The following AKAP6 variants were observed in gnomAD, a reference collection of about 807,000 sequenced individuals.
The protein encoded by AKAP6 is A-kinase anchor protein 6.
A neutral mutation model predicts 188.5 loss-of-function variants in AKAP6; 58 were observed. The observed-to-expected ratio is 0.31, with a 90% CI of 0.25 to 0.38. The LOEUF is 0.38. Among genes scored for constraint, AKAP6 ranks in the 10% least tolerant of loss-of-function variants. The probability of loss-of-function intolerance (pLI) is 1.00; values close to 1 mark genes in which losing one functional copy is unlikely to be tolerated. For synonymous variants in AKAP6, 989 were observed against 998.6 expected (o/e 0.99, Z 0.18); for missense variants, 2,710 against 2,740.0 (o/e 0.99, Z 0.24).
intron 12 of AKAP6, among the ~76,000 whole-genome samples, chr14:32,814,839 C>G (rs568306074): frequency 2.0e-5 from 3 of 152,188 alleles, no homozygotes; most frequent in Non-Finnish European, 4.4e-5. Context: ...AGCAGTCCTC[C>G]TGCCTCAGCC....
chr14:32,761,110 A>T (rs2032522236), intron 11 of AKAP6, among the ~76,000 whole-genome samples: 1 of 151,568 alleles, frequency 6.6e-6, no homozygotes, highest in Admixed American at 6.6e-5. Flanking sequence ...ATGAAAATAA[A>T]AACAGAAATA....
At chr14:32,607,978 C>A (rs1886191921) in intron 7 of AKAP6, among the ~76,000 whole-genome samples, 1 of 152,138 alleles carries the variant, frequency 6.6e-6, no homozygotes, top group Admixed American at 6.6e-5. Context: ...AAGTGAGTTA[C>A]TTCTTTGAAG....
chr14:32,696,293 T>C (rs113237043), intron 9 of AKAP6, among the ~76,000 whole-genome samples, 183 bp downstream of exon 9: 2 of 152,326 alleles, frequency 1.3e-5, no homozygotes, highest in African/African-American at 4.8e-5. Context: ...ACCGACATCA[T>C]AATTGCAAGA....
chr14:32,545,626 G>C lies in AKAP6; in HGVS notation c.973G>C (p.Val325Leu). The change falls in exon 4 of 14, where the codon GTG becomes CTG. Residue 325 changes from valine to leucine, a missense_variant. Val to Leu is a conservative substitution (Grantham distance 32, BLOSUM62 1). Around this residue, in one of 2 missense-constraint regions of AKAP6, gnomAD observed 2,473 missense variants for 2,426.1 expected, o/e 1.02. Coordinates refer to ENST00000280979, the MANE Select transcript of AKAP6 (RefSeq NM_004274.5). ...AGAGCAACCAGGCTTAACACTGGGG[G>C]TGTCATCATCTTCAGGAGAAGCTCT... is the stretch of plus-strand genomic sequence containing the variant. ...VEEQPGLTLG[V>L]SSSSGEALTN... is the part of the protein sequence containing the mutation. 6.2e-7 allele frequency: 1 copy of C among 1,614,146 alleles called. No homozygotes were observed. Among genetic ancestry groups the C allele is most frequent in the Non-Finnish European group, 8.5e-7 (1 of 1,180,014 alleles).
chr14:32,428,976 T>G (rs549812435), intron 1 of AKAP6, among the ~76,000 whole-genome samples: 1 of 152,344 alleles, frequency 6.6e-6, no homozygotes, highest in African/African-American at 2.4e-5. Flanking sequence ...TGATGGATGT[T>G]ATTTTTAACA....
chr14:32,467,980 A>T (rs907744165), intron 2 of AKAP6, among the ~76,000 whole-genome samples: 1 of 151,658 alleles, frequency 6.6e-6, no homozygotes. Flanking sequence ...GGACTTTTCA[A>T]TTGCTGGTTA....
intron 2 of AKAP6, among the ~76,000 whole-genome samples, chr14:32,512,504 A>T (rs1881310615): frequency 6.6e-6 from 1 of 152,202 alleles, no homozygotes; most frequent in Non-Finnish European, 1.5e-5. Flanking sequence ...AGCCAATGTT[A>T]TAGGATTATT....
intron 7 of AKAP6, among the ~76,000 whole-genome samples, chr14:32,640,653 C>T (rs1351236873): frequency 6.6e-6 from 1 of 152,152 alleles, no homozygotes; most frequent in East Asian, 1.9e-4. Flanking sequence ...CCTGTGCTCA[C>T]ATTAGCCCTT....
intron 5 of AKAP6, among the ~76,000 whole-genome samples, chr14:32,581,437 G>A (rs1420161807): frequency 6.6e-6 from 1 of 152,118 alleles, no homozygotes; most frequent in Non-Finnish European, 1.5e-5. Flanking sequence ...TTTGGAGTAG[G>A]TATGGTGTGG....
At chr14:32,613,809 CAT>C (rs1340523814) in intron 7 of AKAP6, among the ~76,000 whole-genome samples, 1 of 152,156 alleles carries the variant, frequency 6.6e-6, no homozygotes, top group East Asian at 1.9e-4. Flanking sequence ...GGTGTATACA[CAT>C]GTTTAAAATG....
chr14:32,584,171 C>T (rs1267402763), intron 5 of AKAP6, among the ~76,000 whole-genome samples: 6 of 152,286 alleles, frequency 3.9e-5, no homozygotes, highest in East Asian at 3.9e-4. Context: ...TTATTCGAGG[C>T]GGATGTGTTC....
At chr14:32,676,234 ATC>A in intron 7 of AKAP6, among the ~76,000 whole-genome samples, 1 of 152,302 alleles carries the variant, frequency 6.6e-6, no homozygotes, top group African/African-American at 2.4e-5. Context: ...ATTGCTCAAT[ATC>A]TCTGTAATCT....
chr14:32,557,384 G>A (rs368949814), intron 4 of AKAP6, among the ~76,000 whole-genome samples: 2 of 152,152 alleles, frequency 1.3e-5, no homozygotes, highest in South Asian at 2.1e-4. Flanking sequence ...GACAGGAGCC[G>A]CCGCATGGCC....
At chr14:32,426,646 A>T (rs747914537) in intron 1 of AKAP6, among the ~76,000 whole-genome samples, 2 of 152,226 alleles carry the variant, frequency 1.3e-5, no homozygotes, top group Non-Finnish European at 2.9e-5. Context: ...GGTGAGAAGT[A>T]TGAATGCTCA....
chr14:32,822,666 T>A lies in AKAP6; in HGVS notation c.4853T>A (p.Ile1618Lys). 6.2e-7 allele frequency: 1 copy of A among 1,614,028 alleles called. No individual in the cohort carries two copies. Among genetic ancestry groups the A allele is most frequent in the East Asian group, 2.2e-5 (1 of 44,880 alleles). Residue 1618 changes from isoleucine to lysine, a missense_variant, in exon 13 of 14, where the codon ATA becomes AAA. Coordinates refer to ENST00000280979, the MANE Select transcript of AKAP6 (RefSeq NM_004274.5). The stretch of plus-strand genomic sequence containing the variant: ...TTTAGCTGTCACAGCTCTGGGGATA[T>A]AAGCGTGAGCAGTGGCTCAGTTGGT... ...DLFSCHSSGD[I>K]SVSSGSVGEL...
intron 1 of AKAP6, among the ~76,000 whole-genome samples, chr14:32,419,936 C>T (rs1204208190): frequency 6.6e-6 from 1 of 152,066 alleles, no homozygotes; most frequent in Non-Finnish European, 1.5e-5. Context: ...TAATGATTTT[C>T]ATAGTAAAGT....
At chr14:32,820,836 G>A (rs532116044) in intron 12 of AKAP6, among the ~76,000 whole-genome samples, 1 of 152,118 alleles carries the variant, frequency 6.6e-6, no homozygotes, top group Non-Finnish European at 1.5e-5. Flanking sequence ...CAGAGGAAGG[G>A]GGGGTACACA....
chr14:32,480,559 A>G (rs1879290371), intron 2 of AKAP6, among the ~76,000 whole-genome samples: 1 of 152,200 alleles, frequency 6.6e-6, no homozygotes. Context: ...AACTATTCTG[A>G]GGGAAGGAAG....
chr14:32,372,483 A>T (rs537788136), intron 1 of AKAP6, among the ~76,000 whole-genome samples: 1 of 152,148 alleles, frequency 6.6e-6, no homozygotes, highest in Admixed American at 6.6e-5. Context: ...TCAAATGGCC[A>T]TAACAATGAA....
Sources: allele counts gnomAD v4.1 joint callset (sites outside exome capture counted in the v4.1 genomes callset), GRCh38; gene constraint gnomAD v4.1.1; regional missense constraint gnomAD v4.1.1; transcripts MANE v1.5; gene names NCBI Gene and HGNC (gene_info 2026-07-23, HGNC 2026-07-21).